Variants in PRKG1 observed in about 807,000 individuals in gnomAD.
PRKG1 encodes the protein protein kinase cGMP-dependent 1.
Under a neutral mutation model 88.1 loss-of-function variants are expected in PRKG1, and 35 were observed. The ratio of observed to expected loss-of-function variants is 0.40; its 90% CI spans 0.30 to 0.53. PRKG1 has a LOEUF of 0.53. Ranked by LOEUF, PRKG1 falls within the 20% of genes least tolerant of loss-of-function variation. PRKG1 has a pLI of 0.59. For missense variants in PRKG1, 540 were observed against 839.8 expected (o/e 0.64, Z 4.41); for synonymous variants, 303 against 292.5 (o/e 1.04, Z -0.37).
At chr10:51,244,196 G>A (rs1839226924) in intron 2 of PRKG1, among the ~76,000 whole-genome samples, 1 of 151,560 alleles carries the variant, frequency 6.6e-6, no homozygotes, top group Admixed American at 6.6e-5. Context: ...AATACCTATG[G>A]GACTATTTAA....
At chr10:52,021,558 A>T (rs980725846) in intron 5 of PRKG1, among the ~76,000 whole-genome samples, 3 of 152,206 alleles carry the variant, frequency 2.0e-5, no homozygotes, top group African/African-American at 7.2e-5. Flanking sequence ...CAGTATATAA[A>T]GTATATTTCC....
At position 51,445,229 on chromosome 10, in the gene PRKG1, GAAA is replaced by G. The variant is rs1839236755; in HGVS notation, c.479-22492_479-22490del. Among the ~76,000 whole-genome samples the G allele has an allele frequency of 1.3e-5, 2 of 151,864 alleles. 1 individual carries two copies. The highest frequency in any genetic ancestry group is 2.9e-5 in the Non-Finnish European group (2 of 67,920). Reference sequence around the variant, plus strand: ...AAGGAAACAAAGTGTTCTTGGAACTGAAAATGAGGAGATGGAAACCAATTGTTG... The same window carrying G: ...AAGGAAACAAAGTGTTCTTGGAACTGATGAGGAGATGGAAACCAATTGTTG... On this transcript the variant is annotated intron_variant, in intron 2 of 17. Coordinates refer to ENST00000373980, the MANE Select transcript of PRKG1 (RefSeq NM_006258.4).
chr10:51,572,040 C>T (rs1266852403), intron 3 of PRKG1, among the ~76,000 whole-genome samples: 1 of 151,794 alleles, frequency 6.6e-6, no homozygotes, highest in Non-Finnish European at 1.5e-5. Context: ...TTGTTGGTTT[C>T]TAGCAAAGGG....
At chr10:50,993,973 G>T (rs952004669) in intron 1 of PRKG1, among the ~76,000 whole-genome samples, 1 of 152,128 alleles carries the variant, frequency 6.6e-6, no homozygotes, top group African/African-American at 2.4e-5. Context: ...TGGATCATGC[G>T]CAGTAGCCGT....
chr10:51,153,802 G>A (rs1247419936), intron 2 of PRKG1, among the ~76,000 whole-genome samples: 1 of 151,970 alleles, frequency 6.6e-6, no homozygotes, highest in African/African-American at 2.4e-5. Context: ...GACAATAAAG[G>A]TTGAATGGAA....
chr10:51,444,120 A>G (rs538847643), intron 2 of PRKG1, among the ~76,000 whole-genome samples: 4 of 151,790 alleles, frequency 2.6e-5, no homozygotes, highest in East Asian at 1.9e-4. Flanking sequence ...AAATATGGCA[A>G]TATTATCAAG....
chr10:52,199,271 TCCTCC>T (rs553153479), intron 9 of PRKG1, among the ~76,000 whole-genome samples: 190 of 152,226 alleles, frequency 1.2e-3, no homozygotes, highest in African/African-American at 4.4e-3. Context: ...TATCGTATTA[TCCTCC>T]ACTCATAGAT....
intron 3 of PRKG1, among the ~76,000 whole-genome samples, chr10:51,517,806 C>T (rs1268176873): frequency 6.6e-6 from 1 of 152,146 alleles, no homozygotes; most frequent in African/African-American, 2.4e-5. Context: ...TTTTCATTTT[C>T]ATCCAGAAGG....
At chr10:51,989,641 C>T (rs117452832) in intron 5 of PRKG1, among the ~76,000 whole-genome samples, 4,125 of 151,778 alleles carry the variant, frequency 0.027, 81 homozygotes, top group South Asian at 0.072. Context: ...CTCTAGGACC[C>T]ATGAAGGCAC....
intron 3 of PRKG1, among the ~76,000 whole-genome samples, chr10:51,690,097 G>C (rs1041370106): frequency 1.3e-5 from 2 of 152,144 alleles, no homozygotes; most frequent in Non-Finnish European, 2.9e-5. Flanking sequence ...AAAGGGAAAG[G>C]GGCAGCAGGC....
At chr10:51,426,714 A>G (rs1032905596) in intron 2 of PRKG1, among the ~76,000 whole-genome samples, 8 of 152,130 alleles carry the variant, frequency 5.3e-5, no homozygotes, top group Non-Finnish European at 1.0e-4. Flanking sequence ...ACACACACAC[A>G]TATACAGAAG....
intron 3 of PRKG1, among the ~76,000 whole-genome samples, chr10:51,606,934 TGG>T (rs577465661): frequency 5.8e-4 from 88 of 152,286 alleles, no homozygotes; most frequent in African/African-American, 1.9e-3. Context: ...CTAATTTTCT[TGG>T]GTGTTGTTGC....
chr10:51,104,245 A>G (rs569898891), intron 1 of PRKG1, among the ~76,000 whole-genome samples: 1 of 152,316 alleles, frequency 6.6e-6, no homozygotes, highest in South Asian at 2.1e-4. Flanking sequence ...CCCCACAATT[A>G]AAAGTGGTTA....
At chr10:51,866,440 A>T (rs150393241) in intron 4 of PRKG1, among the ~76,000 whole-genome samples, 49 of 152,256 alleles carry the variant, frequency 3.2e-4, no homozygotes, top group African/African-American at 1.2e-3. Flanking sequence ...GAAGGCCAGC[A>T]TAATTATAAC....
At chr10:52,202,498 T>G (rs553420289) in intron 9 of PRKG1, among the ~76,000 whole-genome samples, 18 of 152,170 alleles carry the variant, frequency 1.2e-4, no homozygotes, top group Non-Finnish European at 2.2e-4. Flanking sequence ...ATTTCTTTTT[T>G]GGTTGTGTCT....
intron 4 of PRKG1, among the ~76,000 whole-genome samples, chr10:51,867,049 C>G (rs1841032461): frequency 6.6e-6 from 1 of 152,152 alleles, no homozygotes; most frequent in African/African-American, 2.4e-5. Flanking sequence ...TCAGAGGAGA[C>G]TTCCTGTAGA....
At chr10:52,116,887 C>G (rs1245913286) in intron 7 of PRKG1, among the ~76,000 whole-genome samples, 1 of 151,720 alleles carries the variant, frequency 6.6e-6, no homozygotes. Flanking sequence ...GTATCTGACC[C>G]TAGGTCACAC....
At chr10:51,683,688 G>T (rs1840908573) in intron 3 of PRKG1, among the ~76,000 whole-genome samples, 1 of 152,102 alleles carries the variant, frequency 6.6e-6, no homozygotes, top group Non-Finnish European at 1.5e-5. Flanking sequence ...GATCTGATTG[G>T]AACCTGGACC....
intron 2 of PRKG1, among the ~76,000 whole-genome samples, chr10:51,278,815 T>A (rs906482532): frequency 5.3e-5 from 8 of 152,200 alleles, no homozygotes; most frequent in African/African-American, 1.9e-4. Flanking sequence ...TTTATCATTT[T>A]TTATTGCGTC....
Sources: allele counts gnomAD v4.1 joint callset (sites outside exome capture counted in the v4.1 genomes callset), GRCh38; gene constraint gnomAD v4.1.1; transcripts MANE v1.5; gene names NCBI Gene and HGNC (gene_info 2026-07-23, HGNC 2026-07-21).